CD55: variants seen among roughly 807,000 people sequenced by gnomAD.
CD55 encodes the protein complement decay-accelerating factor.
In CD55, 41 loss-of-function variants were observed where a neutral mutation model predicts 45.8. That is an observed-to-expected ratio of 0.90 (90% CI 0.70 to 1.16). The LOEUF (loss-of-function observed/expected upper bound fraction) is 1.16, where lower values mean the gene tolerates loss of function less well. Ranked by LOEUF, CD55 falls within the 50% of genes most tolerant of loss-of-function variation. CD55 has a pLI of 0.00. For missense variants in CD55, 416 were observed against 469.8 expected (o/e 0.89, Z 1.06); for synonymous variants, 181 against 181.1 (o/e 1.00, Z 0.01).
chr1:207,357,538 C>T (rs1211438132), intron 9 of CD55, among the ~76,000 whole-genome samples: 1 of 86,950 alleles, frequency 1.2e-5, no homozygotes, highest in African/African-American at 4.6e-5. Context: ...TTGAGACTCC[C>T]TGGATCGGTG....
At chr1:207,344,327 TTC>T (rs925347078) in intron 9 of CD55, among the ~76,000 whole-genome samples, 2 of 152,222 alleles carry the variant, frequency 1.3e-5, no homozygotes, top group Admixed American at 1.3e-4. Flanking sequence ...TTTTTAAAAT[TTC>T]TGTGTGTTTT....
chr1:207,340,764 A>G lies in CD55; in HGVS notation c.1081+1347A>G, dbSNP rs540138430. On this transcript the variant is annotated intron_variant, in intron 9 of 9. Coordinates refer to ENST00000367064, the MANE Select transcript of CD55 (RefSeq NM_000574.5). ...TGCTTCAATAAATATGTGAATGCAC[A>G]TATCTTTTTGATATATTGGTTTTAT... is the stretch of plus-strand genomic sequence containing the variant. 1.7e-4 allele frequency: 75 copies of G among 446,744 alleles called. 1 individual carries two copies. The South Asian group carries it at 3.0e-3, about 18-fold the overall frequency. 27.7% of individuals were successfully genotyped at this position (446,744 alleles called of 1,614,324 possible).
chr1:207,339,257 T>G, intron 8 of CD55, 140 bp from the exon 9 acceptor site: 2 of 615,378 alleles, frequency 3.3e-6, no homozygotes, highest in South Asian at 2.1e-5. Context: ...TTTTATAAAT[T>G]TATAATTATT....
chr1:207,351,365 G>A (rs1236765331), intron 9 of CD55, among the ~76,000 whole-genome samples: 1 of 152,070 alleles, frequency 6.6e-6, no homozygotes, highest in African/African-American at 2.4e-5. Context: ...AGTCCATTTG[G>A]TCAAGTGTCA....
rs746522551 is a variant in CD55 at position 207,359,535 on chromosome 1, T to A, written c.1082-11T>A. On this transcript the variant is annotated splice_polypyrimidine_tract_variant and intron_variant, in intron 9 of 9. Coordinates refer to ENST00000367064, the MANE Select transcript of CD55 (RefSeq NM_000574.5). ...TTTTAACTTTTTTTTTTTTTTTTTT[T>A]TAATTTTCAGGGCACACGTGTTTCA... 243 of 1,549,318 alleles carry A rather than the reference T, an allele frequency of 1.6e-4. No homozygotes were observed. The highest frequency in any genetic ancestry group is 2.0e-5 in the Admixed American group (1 of 49,746).
At position 207,360,820 on chromosome 1, in the gene CD55, A is replaced by G. The variant is rs368469534; in HGVS notation, c.*1210A>G. On this transcript the variant is annotated 3_prime_UTR_variant, in exon 10 of 10. Transcript: ENST00000367064. ...AAGATGTACTAGTTGTATAGAATAT[A>G]ACTAGATTTATTATGGCAATGTTTA... is the stretch of plus-strand genomic sequence containing the variant. The G allele has an allele frequency of 6.6e-6, 1 of 152,212 alleles. No individual in the cohort carries two copies. Among genetic ancestry groups the G allele is most frequent in the African/African-American group, 2.4e-5 (1 of 41,456 alleles). The allele number at this position is 152,212 out of a possible 1,614,324, so 9.4% of individuals were successfully genotyped here.
intron 9 of CD55, chr1:207,354,382 G>T (rs1656001571): frequency 3.0e-6 from 1 of 331,882 alleles, no homozygotes; most frequent in African/African-American, 2.2e-5. Context: ...TGTTTGCCAT[G>T]TACTGTGTTA....
At position 207,322,439 on chromosome 1, in the gene CD55, C is replaced by A; in HGVS notation, c.158C>A (p.Thr53Lys). 6.2e-7 allele frequency: 1 copy of A among 1,614,216 alleles called. No homozygotes were observed. The highest frequency in any genetic ancestry group is 1.1e-5 in the South Asian group (1 of 91,088). ...PNAQPALEGRTSFPEDTVITY... is the reference protein window; with the variant it reads ...PNAQPALEGRKSFPEDTVITY... ...GCCCAGCCAGCTTTGGAAGGCCGTA[C>A]AAGTTTTCCCGAGGATACTGTAATA... The change falls in exon 2 of 10, where the codon ACA becomes AAA. Residue 53 changes from threonine (T) to lysine (K), a missense_variant. Thr to Lys is a moderately conservative substitution (Grantham distance 78). This residue lies in a region of CD55 where 123 missense variants were observed against 105.1 expected (regional missense o/e 1.17). Transcript: ENST00000367064.
chr1:207,339,811 C>T (rs1558151559), intron 9 of CD55, among the ~76,000 whole-genome samples: 1 of 152,084 alleles, frequency 6.6e-6, no homozygotes, highest in Non-Finnish European at 1.5e-5. Flanking sequence ...AATATCCAAA[C>T]TTCCCTGATT....
At position 207,359,621 on chromosome 1, in the gene CD55, G is replaced by T. The variant is rs768397816; in HGVS notation, c.*11G>T. 1 of 1,581,068 alleles carries T rather than the reference G, an allele frequency of 6.3e-7. No individual in the cohort carries two copies. Among genetic ancestry groups the T allele is most frequent in the South Asian group, 1.2e-5 (1 of 85,544 alleles). ...GGCTTGCTGACTTAGCCAAAGAAGA[G>T]TTAAGAAGAAAATACACACAAGTAT... On this transcript the variant is annotated 3_prime_UTR_variant, in exon 10 of 10. Coordinates refer to ENST00000367064, the MANE Select transcript of CD55 (RefSeq NM_000574.5).
In CD55 at chr1:207,337,320, A is replaced by C; in HGVS notation, c.980-9A>C. The C allele has an allele frequency of 6.4e-7, 1 of 1,568,772 alleles. No individual in the cohort carries two copies. The highest frequency in any genetic ancestry group is 8.8e-7 in the Non-Finnish European group (1 of 1,138,904). ...AGTACACAAAGATTCCCTTCTGCTC[A>C]TATTACAGCAACACGGAGTACACCT... On this transcript the variant is annotated splice_polypyrimidine_tract_variant and intron_variant, in intron 7 of 9. Transcript: ENST00000367064.
At position 207,326,775 on chromosome 1, in the gene CD55, C is replaced by A; in HGVS notation, c.602C>A (p.Ser201Tyr). Residue 201 changes from serine to tyrosine, a missense_variant, in exon 5 of 10, where the codon TCT (serine) becomes TAT (tyrosine). This residue lies in a region of CD55 where 111 missense variants were observed against 163.4 expected (regional missense o/e 0.68). Transcript: ENST00000367064. Reference sequence around the variant, plus strand: ...AGGTACAAATTATTTGGCTCGACTTCTAGTTTTTGTCTTATTTCAGGCAGC... The same window carrying A: ...AGGTACAAATTATTTGGCTCGACTTATAGTTTTTGTCTTATTTCAGGCAGC... ...NTGYKLFGST[S>Y]SFCLISGSSV... 6.2e-7 allele frequency: 1 copy of A among 1,613,760 alleles called. No homozygotes were observed. The highest frequency in any genetic ancestry group is 1.3e-5 in the African/African-American group (1 of 75,012).
chr1:207,331,124 A>G lies in CD55; in HGVS notation c.681A>G (p.Ala227=). 1.9e-6 allele frequency: 3 copies of G among 1,612,406 alleles called. No individual in the cohort carries two copies. Among genetic ancestry groups the G allele is most frequent in the South Asian group, 2.2e-5 (2 of 90,716 alleles). The change falls in exon 6 of 10, where the codon GCA becomes GCG. Residue 227 remains alanine, a synonymous_variant. Coordinates refer to ENST00000367064, the MANE Select transcript of CD55 (RefSeq NM_000574.5). ...TTTTTTAAGAAATTTATTGTCCAGC[A>G]CCACCACAAATTGACAATGGAATAA... The part of the protein sequence containing the change: ...LPECREIYCP[A]PPQIDNGIIQ...
chr1:207,338,425 T>A (rs1385870809), intron 8 of CD55, among the ~76,000 whole-genome samples: 2 of 152,160 alleles, frequency 1.3e-5, no homozygotes, highest in African/African-American at 4.8e-5. Context: ...CAGTTTTTAA[T>A]AGGGCAAGGC....
rs763628703 is a variant in CD55, at chr1:207,324,704, T to C, written c.432T>C (p.Thr144=). The change falls in exon 3 of 10, where the codon ACT becomes ACC. Residue 144 remains threonine (T), a synonymous_variant. Coordinates refer to ENST00000367064, the MANE Select transcript of CD55 (RefSeq NM_000574.5). ...RREPSLSPKL[T]CLQNLKWSTA... is the part of the protein sequence containing the mutation. Reference sequence around the variant, plus strand: ...AACCTTCTCTATCACCAAAACTAACTTGCCTTCAGAATTTAAAATGGTCCA... The same window carrying C: ...AACCTTCTCTATCACCAAAACTAACCTGCCTTCAGAATTTAAAATGGTCCA... The C allele has an allele frequency of 1.9e-6, 3 of 1,613,370 alleles. No individual in the cohort carries two copies. Among genetic ancestry groups the C allele is most frequent in the Non-Finnish European group, 1.7e-6 (2 of 1,179,690 alleles).
At chr1:207,336,405 C>A (rs187843431) in intron 6 of CD55, among the ~76,000 whole-genome samples, 3 of 152,100 alleles carry the variant, frequency 2.0e-5, no homozygotes, top group Non-Finnish European at 4.4e-5. Context: ...AGAATAAGAT[C>A]ACTAGTGACT....
At chr1:207,347,038 C>G (rs182059212) in intron 9 of CD55, 7 of 451,992 alleles carry the variant, frequency 1.5e-5, no homozygotes, top group South Asian at 1.1e-4. Context: ...CTGTCTCCTT[C>G]CTTGCTTTGG....
intron 9 of CD55, among the ~76,000 whole-genome samples, chr1:207,345,686 C>G (rs1394623368): frequency 6.6e-6 from 1 of 152,086 alleles, no homozygotes; most frequent in Non-Finnish European, 1.5e-5. Flanking sequence ...ATCTGTGCAT[C>G]TGATGTGATA....
intron 8 of CD55, among the ~76,000 whole-genome samples, chr1:207,338,342 C>G (rs1161828092): frequency 1.3e-5 from 2 of 151,958 alleles, no homozygotes; most frequent in African/African-American, 2.4e-5. Context: ...AATTTTAATT[C>G]TTTATGTGGT....
Sources: allele counts gnomAD v4.1 joint callset (sites outside exome capture counted in the v4.1 genomes callset), GRCh38; gene constraint gnomAD v4.1.1; regional missense constraint gnomAD v4.1.1; transcripts MANE v1.5; gene names NCBI Gene and HGNC (gene_info 2026-07-23, HGNC 2026-07-21).